ADK: variants seen among roughly 807,000 people sequenced by gnomAD.
ADK encodes adenosine kinase.
A neutral mutation model predicts 44.7 loss-of-function variants in ADK; 24 were observed. The observed-to-expected ratio is 0.54, with a 90% CI of 0.39 to 0.76. The LOEUF (loss-of-function observed/expected upper bound fraction) is 0.76. Among genes scored for constraint, ADK ranks in the 30% least tolerant of loss-of-function variants. The probability of loss-of-function intolerance (pLI) is 0.00; values close to 1 mark genes in which losing one functional copy is unlikely to be tolerated. For missense variants in ADK, 321 were observed against 425.1 expected, an observed-to-expected ratio of 0.76 and a Z score of 2.15; for synonymous variants, 128 against 142.6, an observed-to-expected ratio of 0.90 and a Z score of 0.73.
At chr10:74,468,125 G>T (rs1846426900) in intron 6 of ADK, among the ~76,000 whole-genome samples, 1 of 152,214 alleles carries the variant, frequency 6.6e-6, no homozygotes, top group Non-Finnish European at 1.5e-5. Context: ...GGAAGAGGGA[G>T]AAGATGGTGT....
At chr10:74,284,516 G>A (rs1376962354) in intron 3 of ADK, among the ~76,000 whole-genome samples, 7 of 152,104 alleles carry the variant, frequency 4.6e-5, no homozygotes, top group African/African-American at 1.7e-4. Flanking sequence ...TGTCTGCTTC[G>A]GCCTCGCCAA....
chr10:74,559,289 C>A (rs537758200), intron 7 of ADK, among the ~76,000 whole-genome samples: 62 of 152,362 alleles, frequency 4.1e-4, no homozygotes, highest in Non-Finnish European at 7.6e-4. Context: ...AGCACTAGGA[C>A]CTGATGGCCA....
At chr10:74,542,899 TA>T (rs1341415053) in intron 7 of ADK, among the ~76,000 whole-genome samples, 15 of 151,662 alleles carry the variant, frequency 9.9e-5, no homozygotes, top group African/African-American at 3.4e-4. Context: ...TTTATTTATT[TA>T]TTTATTTATT....
chr10:74,691,445 T>C (rs1855985398), intron 10 of ADK, among the ~76,000 whole-genome samples: 1 of 152,162 alleles, frequency 6.6e-6, no homozygotes, highest in Non-Finnish European at 1.5e-5. Flanking sequence ...TACTATACAG[T>C]GTGAAGTTTG....
intron 6 of ADK, among the ~76,000 whole-genome samples, chr10:74,493,873 C>T (rs1847585176): frequency 6.6e-6 from 1 of 151,968 alleles, no homozygotes; most frequent in Non-Finnish European, 1.5e-5. Context: ...TAACAGCCAT[C>T]ATATGTATGT....
At position 74,234,474 on chromosome 10, in the gene ADK, A is replaced by G. The variant is rs146989361; in HGVS notation, c.194+9883A>G. On this transcript the variant is annotated intron_variant, in intron 3 of 10. Coordinates refer to ENST00000539909, the MANE Select transcript of ADK (RefSeq NM_006721.4). ...TTCAGTGACTTAGGAACCTTTTTTAAAAAACTTCTTTGGAGGAGTGATATT... is the reference window on the plus strand; with the variant it reads ...TTCAGTGACTTAGGAACCTTTTTTAGAAAACTTCTTTGGAGGAGTGATATT... 3.4e-3 allele frequency among the ~76,000 whole-genome samples: 518 copies of G among 152,282 alleles called. 1 individual carries two copies. The highest frequency in any genetic ancestry group is 0.012 in the African/African-American group (479 of 41,570).
At position 74,222,571 on chromosome 10, in the gene ADK, T is replaced by C. The variant is rs189958485; in HGVS notation, c.141-1967T>C. 3.8e-3 allele frequency among the ~76,000 whole-genome samples: 577 copies of C among 152,300 alleles called. 6 individuals are homozygous for C. The highest frequency in any genetic ancestry group is 0.013 in the African/African-American group (541 of 41,562). On this transcript the variant is annotated intron_variant, in intron 2 of 10. Coordinates refer to ENST00000539909, the MANE Select transcript of ADK (RefSeq NM_006721.4). The stretch of plus-strand genomic sequence containing the variant: ...AAAGACACATGCACACGTTTGTTTA[T>C]TGCGGCGCTATTAACAATAGCAAAG...
chr10:74,272,160 G>A (rs1434914002), intron 3 of ADK, among the ~76,000 whole-genome samples: 1 of 152,048 alleles, frequency 6.6e-6, no homozygotes, highest in Non-Finnish European at 1.5e-5. Context: ...AATTTTCCTT[G>A]TAAGGGATGT....
At chr10:74,259,831 T>TACAA (rs1345274615) in intron 3 of ADK, among the ~76,000 whole-genome samples, 1 of 152,170 alleles carries the variant, frequency 6.6e-6, no homozygotes, top group Non-Finnish European at 1.5e-5. Context: ...TCTATACATG[T>TACAA]TCATATTATT....
At chr10:74,486,597 G>A (rs796545189) in intron 6 of ADK, among the ~76,000 whole-genome samples, 14 of 152,246 alleles carry the variant, frequency 9.2e-5, no homozygotes, top group African/African-American at 2.9e-4. Context: ...TACTTGAGAA[G>A]CAAAGTGATG....
intron 1 of ADK, among the ~76,000 whole-genome samples, chr10:74,193,478 T>C (rs1843020467): frequency 6.6e-6 from 1 of 152,036 alleles, no homozygotes; most frequent in Non-Finnish European, 1.5e-5. Flanking sequence ...TCAAAACTTC[T>C]TTGTCTTTAT....
At chr10:74,317,391 A>T (rs982861865) in intron 4 of ADK, among the ~76,000 whole-genome samples, 21 of 152,142 alleles carry the variant, frequency 1.4e-4, no homozygotes, top group East Asian at 5.8e-4. Context: ...GTCAGTTTTT[A>T]AAAAATTTGT....
intron 10 of ADK, among the ~76,000 whole-genome samples, chr10:74,680,559 T>C (rs1008760995): frequency 6.6e-6 from 1 of 152,144 alleles, no homozygotes; most frequent in African/African-American, 2.4e-5. Flanking sequence ...CTTATTGGCT[T>C]TGTAATTAGT....
chr10:74,639,248 G>T (rs775024930), intron 9 of ADK, among the ~76,000 whole-genome samples: 4 of 152,170 alleles, frequency 2.6e-5, no homozygotes, highest in Non-Finnish European at 5.9e-5. Flanking sequence ...GATACTTAGG[G>T]TGTAGTCATA....
In ADK at chr10:74,424,535, CAAAAAAAAAAAAA is replaced by C. The variant is rs57106986; in HGVS notation, c.555+25977_555+25989del. 4.3e-4 allele frequency among the ~76,000 whole-genome samples: 25 copies of C among 58,460 alleles called. No individual in the cohort carries two copies. In the South Asian group the frequency reaches 7.1e-3, roughly 17 times the overall value. 38.4% of individuals were successfully genotyped at this position (58,460 alleles called of 152,430 possible). ...GGGCAACAAGAGCAAAACTCCGTCTCAAAAAAAAAAAAAAAAAAAAAAAAAAAAAAAAATTCCC... is the reference window on the plus strand; with the variant it reads ...GGGCAACAAGAGCAAAACTCCGTCTCAAAAAAAAAAAAAAAAAAAATTCCC... On this transcript the variant is annotated intron_variant, in intron 6 of 10. Coordinates refer to ENST00000539909, the MANE Select transcript of ADK (RefSeq NM_006721.4).
At position 74,399,615 on chromosome 10, in the gene ADK, C is replaced by T. The variant is rs117343693; in HGVS notation, c.555+1036C>T. Among the ~76,000 whole-genome samples, 470 of 151,742 alleles carry T rather than the reference C, an allele frequency of 3.1e-3. 8 individuals carry two copies. The East Asian group carries it at 0.045, about 15-fold the overall frequency. ...CATTTCAAGAATTAAATATTTTACCCCTTTATTATTTCCATTTCATTTTAT... is the reference window on the plus strand; with the variant it reads ...CATTTCAAGAATTAAATATTTTACCTCTTTATTATTTCCATTTCATTTTAT... On this transcript the variant is annotated intron_variant, in intron 6 of 10. Coordinates refer to ENST00000539909, the MANE Select transcript of ADK (RefSeq NM_006721.4).
At chr10:74,515,568 C>T (rs186865175) in intron 6 of ADK, among the ~76,000 whole-genome samples, 34 of 152,166 alleles carry the variant, frequency 2.2e-4, no homozygotes, top group East Asian at 3.9e-4. Flanking sequence ...GGGCAGTCTG[C>T]GGGACTATCT....
At chr10:74,254,276 G>A (rs974960669) in intron 3 of ADK, among the ~76,000 whole-genome samples, 4 of 152,036 alleles carry the variant, frequency 2.6e-5, no homozygotes, top group Admixed American at 1.3e-4. Context: ...GCATTTGTTA[G>A]CCTTTTAAAG....
At position 74,600,347 on chromosome 10, in the gene ADK, C is replaced by A; in HGVS notation, c.763-32C>A. 4.9e-6 allele frequency: 7 copies of A among 1,417,758 alleles called. No homozygotes were observed. The South Asian group carries it at 7.2e-5, about 15-fold the overall frequency. The allele number at this position is 1,417,758 out of a possible 1,614,324, so 87.8% of individuals were successfully genotyped here. A position where few individuals can be genotyped will look rare whatever the true frequency, so the allele number is the denominator to read the frequency against. ...TAAAGTTTTGTTTTATTTTATTGGT[C>A]ATGAGAATTTTTTCCTTCCTTCTAT... On this transcript the variant is annotated intron_variant, in intron 8 of 10. Coordinates refer to ENST00000539909, the MANE Select transcript of ADK (RefSeq NM_006721.4).
Sources: gnomAD v4.1 joint callset for allele counts (sites outside exome capture counted in the v4.1 genomes callset) on GRCh38, gnomAD v4.1.1 for gene constraint, MANE v1.5 for transcripts, NCBI Gene and HGNC (gene_info 2026-07-23, HGNC 2026-07-21) for gene names.